ALMS1: variants seen among roughly 807,000 people sequenced by gnomAD.
The protein encoded by ALMS1 is ALMS1 centrosome and basal body associated protein.
ALMS1 carries 271 observed loss-of-function variants against 352.2 expected under a neutral mutation model. That is an observed-to-expected ratio of 0.77 (90% CI 0.70 to 0.85). The LOEUF is 0.85. Among genes scored for constraint, ALMS1 ranks in the 40% least tolerant of loss-of-function variants. ALMS1 has a pLI of 0.00. For synonymous variants in ALMS1, 1,865 were observed against 1,761.2 expected (o/e 1.06, Z -1.48); for missense variants, 5,445 against 4,870.7 (o/e 1.12, Z -3.51).
At position 73,520,006 on chromosome 2, in the gene ALMS1, C is replaced by G. The variant is rs758325542; in HGVS notation, c.9771C>G (p.Arg3257=). ...SSSVQQVTFS[R]GTDGQPLLLP... The stretch of plus-strand genomic sequence containing the variant: ...CAGTCCAACAGGTTACTTTTTCTCG[C>G]GGCACAGATGGTAAGAGAATGTGAT... Residue 3257 remains arginine, a synonymous_variant, in exon 11 of 23, where the codon CGC becomes CGG. Coordinates refer to ENST00000613296, the MANE Select transcript of ALMS1 (RefSeq NM_001378454.1). The G allele has an allele frequency of 6.2e-7, 1 of 1,613,924 alleles. No individual in the cohort carries two copies.
chr2:73,549,086 T>C (rs1179210538), intron 12 of ALMS1, among the ~76,000 whole-genome samples: 1 of 152,166 alleles, frequency 6.6e-6, no homozygotes. Flanking sequence ...CCAGCTCTTA[T>C]TGCCATATAC....
chr2:73,434,108 T>C (rs776732934), intron 7 of ALMS1, among the ~76,000 whole-genome samples: 7 of 152,072 alleles, frequency 4.6e-5, no homozygotes, highest in Non-Finnish European at 1.0e-4. Flanking sequence ...GATTTTTGTT[T>C]CATTTATTTT....
Position 73,557,307 on chromosome 2 carries a change from A to C in ALMS1, c.10166A>C (p.Glu3389Ala), listed in dbSNP as rs1392524923. ...QEIHSTRAVT[E>A]AAQAKEKESL... ...ATTCACAGTACAAGGGCAGTGACTGAGGCTGCCCAGGCTAAAGAAAAAGAA... is the reference window on the plus strand; with the variant it reads ...ATTCACAGTACAAGGGCAGTGACTGCGGCTGCCCAGGCTAAAGAAAAAGAA... The change falls in exon 14 of 23, where the codon GAG becomes GCG. Residue 3389 changes from glutamate (E) to alanine (A), a missense_variant. Coordinates refer to ENST00000613296, the MANE Select transcript of ALMS1 (RefSeq NM_001378454.1). The C allele has an allele frequency of 6.2e-7, 1 of 1,614,212 alleles. No homozygotes were observed.
intron 18 of ALMS1, 46 bp from the exon 19 acceptor site, chr2:73,601,148 TA>T: frequency 1.2e-6 from 2 of 1,613,108 alleles, no homozygotes; most frequent in Non-Finnish European, 1.7e-6. Context: ...GGTGGGGCTG[TA>T]AAAAAGTGAA....
At chr2:73,577,817 C>T (rs1460246492) in intron 16 of ALMS1, among the ~76,000 whole-genome samples, 1 of 152,030 alleles carries the variant, frequency 6.6e-6, no homozygotes, top group Non-Finnish European at 1.5e-5. Context: ...ATGATCTGTC[C>T]TTGAGAATTT....
chr2:73,416,040 T>A (rs1671175820), intron 2 of ALMS1, among the ~76,000 whole-genome samples: 1 of 152,126 alleles, frequency 6.6e-6, no homozygotes, highest in Admixed American at 6.6e-5. Context: ...AATGGATACA[T>A]CTGTCACTAT....
At chr2:73,605,554 G>A (rs561431558) in intron 21 of ALMS1, among the ~76,000 whole-genome samples, 308 of 152,316 alleles carry the variant, frequency 2.0e-3, no homozygotes, top group Middle Eastern at 0.01. Flanking sequence ...TTTTTAAGAA[G>A]CTACCACTTG....
At chr2:73,456,589 G>A (rs754129973) in intron 9 of ALMS1, among the ~76,000 whole-genome samples, 29 of 152,220 alleles carry the variant, frequency 1.9e-4, no homozygotes, top group Non-Finnish European at 2.8e-4. Context: ...TATCATGCAA[G>A]GATTTCATGG....
intron 7 of ALMS1, among the ~76,000 whole-genome samples, chr2:73,444,105 C>T (rs932927693): frequency 1.3e-5 from 2 of 152,088 alleles, no homozygotes; most frequent in East Asian, 1.9e-4. Context: ...TGTTGGATAT[C>T]TTCTCCCTTG....
chr2:73,469,073 C>G (rs747426242), intron 9 of ALMS1, among the ~76,000 whole-genome samples: 3 of 151,884 alleles, frequency 2.0e-5, no homozygotes, highest in Admixed American at 6.6e-5. Context: ...ACTGACTTCT[C>G]TCGGCAGAAT....
Position 73,423,678 on chromosome 2 carries a change from A to G in ALMS1, c.764+704A>G, listed in dbSNP as rs116854285. ...CCTGATATCACTTTTATGAAAAGTG[A>G]TCTATACACATTAGATCATCAACTA... On this transcript the variant is annotated intron_variant, in intron 4 of 22. Coordinates refer to ENST00000613296, the MANE Select transcript of ALMS1 (RefSeq NM_001378454.1). Among the ~76,000 whole-genome samples the G allele has an allele frequency of 1.2e-3, 187 of 152,248 alleles. 4 individuals carry two copies. In the East Asian group the frequency reaches 0.033, roughly 27 times the overall value.
intron 16 of ALMS1, among the ~76,000 whole-genome samples, chr2:73,589,086 T>A (rs1675368845): frequency 6.6e-6 from 1 of 152,106 alleles, no homozygotes; most frequent in Non-Finnish European, 1.5e-5. Flanking sequence ...AAACTGAAAT[T>A]ATTATAAAAA....
At chr2:73,404,430 T>G (rs1393223725) in intron 1 of ALMS1, among the ~76,000 whole-genome samples, 1 of 152,110 alleles carries the variant, frequency 6.6e-6, no homozygotes, top group African/African-American at 2.4e-5. Context: ...CAGCTTTTAT[T>G]ATGTTGAGGT....
chr2:73,601,350 C>T lies in ALMS1; in HGVS notation c.12028C>T (p.His4010Tyr). The T allele has an allele frequency of 2.5e-6, 4 of 1,614,182 alleles. No homozygotes were observed. Among genetic ancestry groups the T allele is most frequent in the South Asian group, 1.1e-5 (1 of 91,080 alleles). Residue 4010 changes from histidine (H) to tyrosine (Y), a missense_variant, in exon 19 of 23, where the codon CAC becomes TAC. Transcript: ENST00000613296. ...GCGGGAGCAGAACTGTCAGGGGCAG[C>T]ACCTGGACGGTCGGGGCTACCTGGC... is the stretch of plus-strand genomic sequence containing the variant. ...PLREQNCQGQ[H>Y]LDGRGYLAGP... is the part of the protein sequence containing the mutation.
intron 11 of ALMS1, among the ~76,000 whole-genome samples, chr2:73,531,993 G>GTGT (rs1673925643): frequency 6.6e-6 from 1 of 152,218 alleles, no homozygotes; most frequent in Admixed American, 6.5e-5. Context: ...ACATTTGGTT[G>GTGT]GGTACTCAGA....
At position 73,424,776 on chromosome 2, in the gene ALMS1, A is replaced by G; in HGVS notation, c.1111A>G (p.Thr371Ala). The G allele has an allele frequency of 6.2e-7, 1 of 1,613,794 alleles. No individual in the cohort carries two copies. The highest frequency in any genetic ancestry group is 8.5e-7 in the Non-Finnish European group (1 of 1,179,784). The change falls in exon 5 of 23, where the codon ACT (threonine) becomes GCT (alanine). Residue 371 changes from threonine to alanine, a missense_variant. Physicochemically the swap from Thr to Ala is moderately conservative, Grantham distance 58. Coordinates refer to ENST00000613296, the MANE Select transcript of ALMS1 (RefSeq NM_001378454.1). ...TGATAAAGATCAAGTTTCAGTTGCA[A>G]CTTCATTTGACATAACTGATGAAAA... is the stretch of plus-strand genomic sequence containing the variant. The part of the protein sequence containing the change: ...LADKDQVSVA[T>A]SFDITDENIA...
chr2:73,549,949 T>C lies in ALMS1; in HGVS notation c.9908-318T>C, dbSNP rs189705497. ...ATCTCTGCTCACTGCAACCTCTGCC[T>C]CCCAGGTTCAAGCGATTCTCCTGCC... On this transcript the variant is annotated intron_variant, in intron 12 of 22. Coordinates refer to ENST00000613296, the MANE Select transcript of ALMS1 (RefSeq NM_001378454.1). 7.9e-5 allele frequency among the ~76,000 whole-genome samples: 12 copies of C among 152,274 alleles called. No individual in the cohort carries two copies. The East Asian group carries it at 2.1e-3, about 27-fold the overall frequency.
At chr2:73,608,442 G>T in intron 21 of ALMS1, 33 bp from the exon 22 acceptor site, 3 of 1,574,010 alleles carry the variant, frequency 1.9e-6, no homozygotes, top group South Asian at 1.1e-5. Context: ...TAACCTCCCC[G>T]ATTTCTGTCC....
At chr2:73,481,693 T>G (rs1424799664) in intron 9 of ALMS1, among the ~76,000 whole-genome samples, 1 of 151,110 alleles carries the variant, frequency 6.6e-6, no homozygotes, top group East Asian at 1.9e-4. Flanking sequence ...ACGATATTGA[T>G]TCTTCCTACC....
Sources: allele counts gnomAD v4.1 joint callset (sites outside exome capture counted in the v4.1 genomes callset), GRCh38; gene constraint gnomAD v4.1.1; transcripts MANE v1.5; gene names NCBI Gene and HGNC (gene_info 2026-07-23, HGNC 2026-07-21).